COL14A1: variants seen among roughly 807,000 people sequenced by gnomAD.
COL14A1 encodes collagen alpha-1(XIV) chain.
COL14A1 carries 136 observed loss-of-function variants against 230.3 expected under a neutral mutation model. That is an observed-to-expected ratio of 0.59 (90% confidence interval 0.51 to 0.68). The LOEUF (loss-of-function observed/expected upper bound fraction) is 0.68. Among genes scored for constraint, COL14A1 ranks in the 30% least tolerant of loss-of-function variants. The pLI is 0.00. For missense variants in COL14A1, 1,976 were observed against 2,215.8 expected, an observed-to-expected ratio of 0.89 and a Z score of 2.17; for synonymous variants, 792 against 784.1, an observed-to-expected ratio of 1.01 and a Z score of -0.17.
At chr8:120,291,546 C>A (rs1325981452) in intron 34 of COL14A1, among the ~76,000 whole-genome samples, 72 of 93,530 alleles carry the variant, frequency 7.7e-4, no homozygotes, top group African/African-American at 2.9e-3. Flanking sequence ...GGTGACAGAG[C>A]AAGACTCCAT....
chr8:120,225,788 T>C (rs1818076046), intron 15 of COL14A1, among the ~76,000 whole-genome samples: 1 of 152,190 alleles, frequency 6.6e-6, no homozygotes, highest in African/African-American at 2.4e-5. Context: ...ATTCTATTAT[T>C]TGCTTTCTGA....
chr8:120,206,174 C>T (rs1817423806), intron 9 of COL14A1, among the ~76,000 whole-genome samples: 1 of 152,132 alleles, frequency 6.6e-6, no homozygotes, highest in Non-Finnish European at 1.5e-5. Context: ...AATGTCAACT[C>T]TGATACTAAT....
intron 2 of COL14A1, among the ~76,000 whole-genome samples, chr8:120,152,469 CAAAAAAAAAAAAAA>C (rs397891260): frequency 1.7e-5 from 1 of 59,598 alleles, no homozygotes; most frequent in East Asian, 5.1e-4. Flanking sequence ...GATTCCATCT[CAAAAAAAAAAAAAA>C]AAAAAAAAAA....
At chr8:120,242,510 A>G (rs1355369998) in intron 19 of COL14A1, among the ~76,000 whole-genome samples, 1 of 152,194 alleles carries the variant, frequency 6.6e-6, no homozygotes, top group African/African-American at 2.4e-5. Context: ...GCTCTGCTTC[A>G]GAGGGGTTAC....
At chr8:120,124,868 G>A (rs1411755581), upstream of COL14A1, among the ~76,000 whole-genome samples, 3 of 151,942 alleles carry the variant, frequency 2.0e-5, no homozygotes, top group Admixed American at 6.5e-5. Flanking sequence ...GCTCGCTCTC[G>A]GCGCGCCACA....
At chr8:120,200,048 A>AGCATATATATACATATATATAT (rs1817181179) in intron 8 of COL14A1, among the ~76,000 whole-genome samples, 1 of 149,504 alleles carries the variant, frequency 6.7e-6, no homozygotes, top group Admixed American at 6.7e-5. Context: ...TGTGTGAAAA[A>AGCATATATATACATATATATAT]GCATATATAT....
At position 120,258,031 on chromosome 8, in the gene COL14A1, G is replaced by A. The variant is rs1000000018; in HGVS notation, c.2869+2675G>A. On this transcript the variant is annotated intron_variant, in intron 23 of 47. Transcript: ENST00000297848. ...TAACTGAGGCAATAACTGCAATTTT[G>A]CAAGGTTTTTGTGAGTAGAATAGCC... Among the ~76,000 whole-genome samples, 3 of 152,264 alleles carry A rather than the reference G, an allele frequency of 2.0e-5. No homozygotes were observed. The South Asian group carries it at 6.2e-4, about 32-fold the overall frequency.
At position 120,208,482 on chromosome 8, in the gene COL14A1, C is replaced by T. The variant is rs1817518113; in HGVS notation, c.1321+121C>T. ...ATCCTGAATCGAATTCAATCAAATT[C>T]ATAGAAGACATTTGTCGTGCTATAT... On this transcript the variant is annotated intron_variant, in intron 11 of 47. Transcript: ENST00000297848. 8 of 1,099,150 alleles carry T rather than the reference C, an allele frequency of 7.3e-6. No individual in the cohort carries two copies. The South Asian group carries it at 1.4e-4, about 19-fold the overall frequency. 68.1% of individuals were successfully genotyped at this position (1,099,150 alleles called of 1,614,324 possible).
At chr8:120,196,208 G>C (rs1817034017) in intron 5 of COL14A1, among the ~76,000 whole-genome samples, 1 of 152,182 alleles carries the variant, frequency 6.6e-6, no homozygotes. Context: ...AAAAACATTT[G>C]ACTTTGGGGA....
intron 44 of COL14A1, among the ~76,000 whole-genome samples, chr8:120,344,175 G>C (rs1212910224): frequency 6.6e-6 from 1 of 152,152 alleles, no homozygotes; most frequent in African/African-American, 2.4e-5. Context: ...AAATCAAAAA[G>C]GTTGTATGCA....
chr8:120,312,831 G>A (rs1369721730), intron 37 of COL14A1, among the ~76,000 whole-genome samples: 5 of 152,154 alleles, frequency 3.3e-5, no homozygotes, highest in South Asian at 4.2e-4. Flanking sequence ...CCCATGTAAC[G>A]TGTTCACCAA....
intron 1 of COL14A1, among the ~76,000 whole-genome samples, chr8:120,136,975 A>C (rs1207624798): frequency 6.6e-6 from 1 of 151,354 alleles, no homozygotes; most frequent in Non-Finnish European, 1.5e-5. Context: ...AAAAAAAAAA[A>C]AAAAAAAAAA....
chr8:120,200,449 A>G (rs1237450510), intron 8 of COL14A1, among the ~76,000 whole-genome samples: 2 of 151,904 alleles, frequency 1.3e-5, no homozygotes, highest in Non-Finnish European at 2.9e-5. Flanking sequence ...ATCAAAAGAT[A>G]GTACTCTCTG....
Position 120,206,950 on chromosome 8 carries a change from C to G in COL14A1, c.1047C>G (p.Ala349=). 1 of 1,608,526 alleles carries G rather than the reference C, an allele frequency of 6.2e-7. No homozygotes were observed. The highest frequency in any genetic ancestry group is 8.5e-7 in the Non-Finnish European group (1 of 1,178,372). The change falls in exon 10 of 48, where the codon GCC becomes GCG. Residue 349 remains alanine (A), a synonymous_variant. Coordinates refer to ENST00000297848, the MANE Select transcript of COL14A1 (RefSeq NM_021110.4). ...TATGTTTTTTTAATTTAGCCTCAGC[C>G]CATGCCATCACTGGGCCGCCTACGG... ...EEQDREIKAS[A]HAITGPPTEL...
At chr8:120,169,526 T>A (rs139774034) in intron 5 of COL14A1, among the ~76,000 whole-genome samples, 70 of 152,248 alleles carry the variant, frequency 4.6e-4, no homozygotes, top group African/African-American at 1.6e-3. Flanking sequence ...TTTTGTTTTG[T>A]GTTGTCTTTA....
At position 120,271,885 on chromosome 8, in the gene COL14A1, G is replaced by A. The variant is rs111493892; in HGVS notation, c.3213+1711G>A. Among the ~76,000 whole-genome samples the A allele has an allele frequency of 3.6e-4, 54 of 151,560 alleles. No individual in the cohort carries two copies. The East Asian group carries it at 6.6e-3, about 19-fold the overall frequency. ...TTCAGAAAAAAAGATTACCCCAACT[G>A]CTTTGTGGCATGTGAATTACTAATA... On this transcript the variant is annotated intron_variant, in intron 26 of 47. Coordinates refer to ENST00000297848, the MANE Select transcript of COL14A1 (RefSeq NM_021110.4).
intron 31 of COL14A1, among the ~76,000 whole-genome samples, chr8:120,282,329 TC>T (rs1820063056): frequency 6.6e-6 from 1 of 152,200 alleles, no homozygotes. Context: ...CCTAGCTCAC[TC>T]AGACTCGCAC....
chr8:120,307,709 G>T (rs1262884377), intron 36 of COL14A1, among the ~76,000 whole-genome samples: 1 of 152,074 alleles, frequency 6.6e-6, no homozygotes, highest in African/African-American at 2.4e-5. Context: ...ATTAGAACAA[G>T]AATAAGGTAT....
intron 19 of COL14A1, among the ~76,000 whole-genome samples, chr8:120,236,046 A>G (rs1818432968): frequency 6.6e-6 from 1 of 152,138 alleles, no homozygotes; most frequent in African/African-American, 2.4e-5. Context: ...TGTGTGGTGA[A>G]TTTTAGAATA....
Sources: allele counts gnomAD v4.1 joint callset (sites outside exome capture counted in the v4.1 genomes callset), GRCh38; gene constraint gnomAD v4.1.1; transcripts MANE v1.5; gene names NCBI Gene and HGNC (gene_info 2026-07-23, HGNC 2026-07-21).